Variants in DPYD observed in about 807,000 individuals in gnomAD.
The protein encoded by DPYD is dihydropyrimidine dehydrogenase [NADP(+)].
DPYD carries 109 observed loss-of-function variants against 116.2 expected under a neutral mutation model. The observed-to-expected ratio is 0.94, with a 90% CI of 0.80 to 1.10. The LOEUF (loss-of-function observed/expected upper bound fraction) is 1.10, where lower values mean the gene tolerates loss of function less well. DPYD is among the 50% of genes least tolerant of loss of function. DPYD has a pLI of 0.00. For synonymous variants in DPYD, 440 were observed against 432.0 expected (o/e 1.02, Z -0.23); for missense variants, 1,302 against 1,254.5 (o/e 1.04, Z -0.57).
At chr1:97,345,380 G>A (rs1032714006) in intron 16 of DPYD, among the ~76,000 whole-genome samples, 1 of 151,206 alleles carries the variant, frequency 6.6e-6, no homozygotes, top group Non-Finnish European at 1.5e-5. Flanking sequence ...AACAAAATGG[G>A]CTCTACATTT....
At chr1:97,294,386 T>C (rs535770574) in intron 18 of DPYD, among the ~76,000 whole-genome samples, 1 of 152,116 alleles carries the variant, frequency 6.6e-6, no homozygotes, top group Admixed American at 6.5e-5. Context: ...GGACTTAGTA[T>C]AGGTTTTTTA....
At chr1:97,134,722 G>T (rs995546833) in intron 20 of DPYD, among the ~76,000 whole-genome samples, 7 of 152,146 alleles carry the variant, frequency 4.6e-5, no homozygotes, top group African/African-American at 9.7e-5. Flanking sequence ...AGTTAGCAGA[G>T]AATTTTTACT....
intron 3 of DPYD, 29 bp from the exon 4 acceptor site, chr1:97,740,508 A>G (rs1664203085): frequency 7.7e-6 from 12 of 1,564,470 alleles, no homozygotes; most frequent in Non-Finnish European, 9.7e-6. Context: ...ATGTTAAGAA[A>G]CTACAAGATA....
chr1:97,688,474 C>T (rs115060176), intron 7 of DPYD, among the ~76,000 whole-genome samples: 7 of 151,656 alleles, frequency 4.6e-5, no homozygotes, highest in South Asian at 4.2e-4. Flanking sequence ...AACTTATAGA[C>T]GATATGAAGA....
intron 20 of DPYD, among the ~76,000 whole-genome samples, chr1:97,139,765 G>T (rs547457389): frequency 1.3e-5 from 2 of 152,286 alleles, no homozygotes; most frequent in South Asian, 2.1e-4. Context: ...CTTTCTAAAG[G>T]TGGATCAGGC....
At chr1:97,661,783 T>C (rs577150763) in intron 8 of DPYD, among the ~76,000 whole-genome samples, 1 of 152,108 alleles carries the variant, frequency 6.6e-6, no homozygotes, top group East Asian at 1.9e-4. Context: ...AAGCTATATG[T>C]TAATTAATGT....
chr1:97,631,757 T>C (rs186791210), intron 8 of DPYD, among the ~76,000 whole-genome samples: 156 of 152,190 alleles, frequency 1.0e-3, no homozygotes, highest in Non-Finnish European at 1.9e-3. Flanking sequence ...TGTCTGTTCT[T>C]TAAAGTTACG....
intron 1 of DPYD, among the ~76,000 whole-genome samples, chr1:97,908,107 G>A (rs986171634): frequency 6.6e-6 from 1 of 151,928 alleles, no homozygotes; most frequent in Non-Finnish European, 1.5e-5. Flanking sequence ...GTGCAGTGGT[G>A]TAATCATGGC....
At chr1:97,079,511 C>T (rs986327684) in intron 22 of DPYD, among the ~76,000 whole-genome samples, 4 of 152,224 alleles carry the variant, frequency 2.6e-5, no homozygotes, top group African/African-American at 9.6e-5. Flanking sequence ...GGGACTTTCA[C>T]ACGTCCTCCT....
intron 13 of DPYD, among the ~76,000 whole-genome samples, chr1:97,457,949 C>T (rs1056313544): frequency 3.9e-5 from 6 of 152,042 alleles, no homozygotes; most frequent in African/African-American, 1.2e-4. Flanking sequence ...TGGATTAGAA[C>T]GTGATTAATC....
chr1:97,173,268 A>G (rs1656904494), intron 20 of DPYD, among the ~76,000 whole-genome samples: 1 of 147,736 alleles, frequency 6.8e-6, no homozygotes, highest in Non-Finnish European at 1.5e-5. Flanking sequence ...ACACATATGT[A>G]CATATATATG....
chr1:97,308,363 A>T (rs1245137156), intron 16 of DPYD: 1 of 151,674 alleles, frequency 6.6e-6, no homozygotes, highest in Non-Finnish European at 1.5e-5. Context: ...CGGTGTTCAC[A>T]TATATTTTTC....
chr1:97,869,811 T>A, intron 2 of DPYD, among the ~76,000 whole-genome samples: 1 of 151,818 alleles, frequency 6.6e-6, no homozygotes, highest in East Asian at 1.9e-4. Context: ...TTTATTAAAA[T>A]GGTATGTAAG....
At chr1:97,609,041 G>A (rs1459004463) in intron 8 of DPYD, among the ~76,000 whole-genome samples, 2 of 151,900 alleles carry the variant, frequency 1.3e-5, no homozygotes, top group African/African-American at 2.4e-5. Context: ...CATTTTTAAA[G>A]TCAATGTAAA....
At chr1:97,548,978 G>A (rs1488215334) in intron 12 of DPYD, among the ~76,000 whole-genome samples, 1 of 151,942 alleles carries the variant, frequency 6.6e-6, no homozygotes, top group African/African-American at 2.4e-5. Flanking sequence ...TATGATCTAT[G>A]TATTTAAGCC....
Position 97,883,272 on chromosome 1 carries a change from T to C in DPYD, c.142A>G (p.Asn48Asp), listed in dbSNP as rs777238016. Residue 48 changes from asparagine (N) to aspartate (D), a missense_variant, in exon 2 of 23, where the codon AAC becomes GAC. By Grantham distance (23) the Asn-to-Asp change is conservative (BLOSUM62 1). Coordinates refer to ENST00000370192, the MANE Select transcript of DPYD (RefSeq NM_000110.4). Reference sequence around the variant, plus strand: ...GTATCAGTGGTACTTACAAAGCAGTTCTTATCAGGATTTCTTTTCCAATGT... The same window carrying C: ...GTATCAGTGGTACTTACAAAGCAGTCCTTATCAGGATTTCTTTTCCAATGT... ...KKHWKRNPDK[N>D]CFNCEKLENN... The C allele has an allele frequency of 3.1e-6, 5 of 1,606,614 alleles. No homozygotes were observed. The Admixed American group carries it at 8.3e-5, about 27-fold the overall frequency.
At chr1:97,462,449 T>C (rs1677081354) in intron 13 of DPYD, among the ~76,000 whole-genome samples, 1 of 152,096 alleles carries the variant, frequency 6.6e-6, no homozygotes, top group Admixed American at 6.5e-5. Flanking sequence ...ATCATATGAA[T>C]AGGCCCCCTC....
chr1:97,567,267 C>T (rs1054715933), intron 11 of DPYD, among the ~76,000 whole-genome samples: 1 of 151,854 alleles, frequency 6.6e-6, no homozygotes, highest in Non-Finnish European at 1.5e-5. Context: ...ATGAGGCTTT[C>T]AAAAACTTTT....
intron 18 of DPYD, among the ~76,000 whole-genome samples, chr1:97,274,653 T>C (rs1664822037): frequency 6.6e-6 from 1 of 152,190 alleles, no homozygotes; most frequent in African/African-American, 2.4e-5. Context: ...AAACCAGCAT[T>C]TACTATTAGG....
Sources: gnomAD v4.1 joint callset for allele counts (sites outside exome capture counted in the v4.1 genomes callset) on GRCh38, gnomAD v4.1.1 for gene constraint, MANE v1.5 for transcripts, NCBI Gene and HGNC (gene_info 2026-07-23, HGNC 2026-07-21) for gene names.